Variants in PDSS2 observed in about 807,000 individuals in gnomAD.
PDSS2 encodes all trans-polyprenyl-diphosphate synthase PDSS2.
In PDSS2, 31 loss-of-function variants were observed where a neutral mutation model predicts 44.5. The observed-to-expected ratio is 0.70, with a 90% confidence interval of 0.52 to 0.94. The LOEUF is 0.94. PDSS2 is among the 40% of genes least tolerant of loss of function. The probability of loss-of-function intolerance (pLI) is 0.00; values close to 1 mark genes in which losing one functional copy is unlikely to be tolerated. For missense variants in PDSS2, 452 were observed against 482.2 expected (o/e 0.94, Z 0.59); for synonymous variants, 157 against 180.3 (o/e 0.87, Z 1.03).
intron 1 of PDSS2, among the ~76,000 whole-genome samples, chr6:107,443,462 T>A (rs552577260): frequency 6.6e-6 from 1 of 152,362 alleles, no homozygotes; most frequent in Non-Finnish European, 1.5e-5. Context: ...TATATTCATT[T>A]ACGCTGAATA....
intron 3 of PDSS2, among the ~76,000 whole-genome samples, chr6:107,269,986 C>T (rs1429594093): frequency 6.6e-6 from 1 of 151,244 alleles, no homozygotes; most frequent in African/African-American, 2.4e-5. Flanking sequence ...CTTTTGATGA[C>T]CCATTTAGAA....
intron 2 of PDSS2, among the ~76,000 whole-genome samples, chr6:107,280,128 C>T (rs932962654): frequency 9.9e-5 from 15 of 152,060 alleles, no homozygotes; most frequent in African/African-American, 3.1e-4. Flanking sequence ...AACGTGATCT[C>T]GGCTCACTGC....
chr6:107,288,427 T>A (rs59182630), intron 2 of PDSS2, among the ~76,000 whole-genome samples: 1 of 152,152 alleles, frequency 6.6e-6, no homozygotes, highest in African/African-American at 2.4e-5. Context: ...GGAGCACAAG[T>A]TGATTTTCGG....
chr6:107,433,395 G>A (rs1479792814), intron 1 of PDSS2, among the ~76,000 whole-genome samples: 1 of 152,050 alleles, frequency 6.6e-6, no homozygotes, highest in Non-Finnish European at 1.5e-5. Flanking sequence ...AACCAAAACA[G>A]CATGGTACTG....
intron 1 of PDSS2, among the ~76,000 whole-genome samples, chr6:107,362,582 A>C (rs1778813965): frequency 6.6e-6 from 1 of 152,240 alleles, no homozygotes; most frequent in African/African-American, 2.4e-5. Flanking sequence ...GAAAAGTGAG[A>C]AACTAGAGTT....
chr6:107,280,839 CTCTA>C (rs1299465027), intron 2 of PDSS2, among the ~76,000 whole-genome samples: 2 of 152,200 alleles, frequency 1.3e-5, no homozygotes, highest in African/African-American at 4.8e-5. Flanking sequence ...CCTGCTTTCT[CTCTA>C]TCTTCTTTCC....
At chr6:107,341,899 C>T (rs1020335917) in intron 1 of PDSS2, among the ~76,000 whole-genome samples, 1 of 152,124 alleles carries the variant, frequency 6.6e-6, no homozygotes, top group African/African-American at 2.4e-5. Flanking sequence ...CTCTAATTCT[C>T]ACAAAAACCA....
intron 1 of PDSS2, among the ~76,000 whole-genome samples, chr6:107,383,916 T>C (rs9372160): frequency 0.14 from 20,776 of 152,228 alleles, 1,590 homozygotes; most frequent in East Asian, 0.25. Flanking sequence ...CTACTCTACA[T>C]ATACACCAAA....
Position 107,369,866 on chromosome 6 carries a change from G to T in PDSS2, c.297-35534C>A, listed in dbSNP as rs558759571. ...CAAATAAAAAAATTAGCTGGATGTG[G>T]GTGGTGTTATGTCTGTAGTCCCAGT... On this transcript the variant is annotated intron_variant, in intron 1 of 7. Transcript: ENST00000369037. Among the ~76,000 whole-genome samples, 13 of 152,242 alleles carry T rather than the reference G, an allele frequency of 8.5e-5. No homozygotes were observed. The South Asian group carries it at 2.7e-3, about 32-fold the overall frequency.
intron 2 of PDSS2, among the ~76,000 whole-genome samples, chr6:107,300,107 A>T (rs1776645628): frequency 6.6e-6 from 1 of 152,156 alleles, no homozygotes. Flanking sequence ...CTCCCCCTGC[A>T]CTTCAGGCCT....
intron 3 of PDSS2, among the ~76,000 whole-genome samples, chr6:107,253,435 T>C (rs1363080757): frequency 1.3e-5 from 2 of 152,264 alleles, no homozygotes; most frequent in African/African-American, 4.8e-5. Flanking sequence ...ATTATAGTTG[T>C]TCTTTTTAAA....
intron 4 of PDSS2, among the ~76,000 whole-genome samples, chr6:107,226,408 TG>T (rs949519190): frequency 1.4e-4 from 21 of 152,172 alleles, no homozygotes; most frequent in African/African-American, 4.6e-4. Context: ...TGGCTGAGAC[TG>T]GGGTTTCTGG....
intron 7 of PDSS2, among the ~76,000 whole-genome samples, chr6:107,184,903 G>C (rs1772109446): frequency 6.6e-6 from 1 of 151,370 alleles, no homozygotes; most frequent in African/African-American, 2.4e-5. Flanking sequence ...CCTCATAAGA[G>C]GACATTTAAA....
intron 3 of PDSS2, among the ~76,000 whole-genome samples, chr6:107,266,376 C>A (rs1775411474): frequency 1.3e-5 from 2 of 149,640 alleles, no homozygotes; most frequent in African/African-American, 5.0e-5. Context: ...AAAAAGTGAA[C>A]CCCTGAGGCA....
intron 4 of PDSS2, among the ~76,000 whole-genome samples, chr6:107,218,144 C>T (rs1773478292): frequency 6.6e-6 from 1 of 152,220 alleles, no homozygotes; most frequent in Non-Finnish European, 1.5e-5. Context: ...TCTGTGTGTA[C>T]ACCCTGAATT....
At chr6:107,224,078 C>T (rs1273472928) in intron 4 of PDSS2, among the ~76,000 whole-genome samples, 1 of 151,262 alleles carries the variant, frequency 6.6e-6, no homozygotes, top group Non-Finnish European at 1.5e-5. Flanking sequence ...CGAAGTGGAA[C>T]AGTTTCATCC....
At chr6:107,241,440 G>A (rs138800155) in intron 4 of PDSS2, among the ~76,000 whole-genome samples, 2,174 of 146,860 alleles carry the variant, frequency 0.015, 24 homozygotes, top group Non-Finnish European at 0.023. Context: ...TCTGCCTCCC[G>A]GGTTCACACC....
intron 4 of PDSS2, among the ~76,000 whole-genome samples, chr6:107,220,591 CA>C (rs34660978): frequency 0.44 from 66,429 of 151,678 alleles, 15,516 homozygotes; most frequent in East Asian, 0.69. Context: ...TCTCTAAAAT[CA>C]AAGATTCAGT....
At chr6:107,216,329 C>T (rs1172305047) in intron 4 of PDSS2, among the ~76,000 whole-genome samples, 5 of 150,204 alleles carry the variant, frequency 3.3e-5, no homozygotes, top group African/African-American at 4.9e-5. Flanking sequence ...AAAAATTAGC[C>T]GGGCATGGTG....
Sources: gnomAD v4.1 joint callset for allele counts (sites outside exome capture counted in the v4.1 genomes callset) on GRCh38, gnomAD v4.1.1 for gene constraint, MANE v1.5 for transcripts, NCBI Gene and HGNC (gene_info 2026-07-23, HGNC 2026-07-21) for gene names.